Variants in ABCB5 observed in about 807,000 individuals in gnomAD.
ABCB5 encodes the protein ATP binding cassette subfamily B member 5.
ABCB5 carries 155 observed loss-of-function variants against 144.2 expected under a neutral mutation model. That is an observed-to-expected ratio of 1.08 (90% CI 0.94 to 1.23). ABCB5 has a LOEUF of 1.23. ABCB5 is among the 50% of genes most tolerant of loss of function. The pLI, the probability that ABCB5 is intolerant of heterozygous loss-of-function variation, is 0.00. For missense variants in ABCB5, 1,830 were observed against 1,520.8 expected, an observed-to-expected ratio of 1.20 and a Z score of -3.38; for synonymous variants, 610 against 528.6, an observed-to-expected ratio of 1.15 and a Z score of -2.11.
At chr7:20,674,076 A>T (rs184502176) in intron 14 of ABCB5, among the ~76,000 whole-genome samples, 203 of 152,086 alleles carry the variant, frequency 1.3e-3, no homozygotes, top group African/African-American at 4.6e-3. Context: ...CCTTTAAGCT[A>T]TTGCGATTAG....
At chr7:20,626,647 A>C (rs762691730) in intron 3 of ABCB5, 36 bp downstream of exon 3, 1 of 1,553,662 alleles carries the variant, frequency 6.4e-7, no homozygotes, top group Admixed American at 1.9e-5. Flanking sequence ...ATGCATTAGA[A>C]GATTTTAGAG....
chr7:20,627,674 A>T (rs1463001668), intron 3 of ABCB5, among the ~76,000 whole-genome samples: 2 of 119,662 alleles, frequency 1.7e-5, no homozygotes, highest in Non-Finnish European at 3.3e-5. Context: ...ATTATCATTG[A>T]CCCCCTTAAA....
At chr7:20,640,037 G>C (rs4721926) in intron 5 of ABCB5, among the ~76,000 whole-genome samples, 116,662 of 151,974 alleles carry the variant, frequency 0.77, 45,164 homozygotes, top group East Asian at 0.87. Context: ...CTAATAATGT[G>C]TTGTGGTTTT....
At chr7:20,659,438 G>A (rs2128030162) in intron 14 of ABCB5, 2 of 1,122,516 alleles carry the variant, frequency 1.8e-6, no homozygotes, top group South Asian at 3.9e-5. Context: ...TTTTTAAAAT[G>A]CTGACTTTAT....
intron 24 of ABCB5, 22 bp from the exon 25 acceptor site, chr7:20,742,855 C>G: frequency 1.2e-6 from 2 of 1,612,296 alleles, no homozygotes; most frequent in Non-Finnish European, 1.7e-6. Context: ...TTCTTCTCAA[C>G]TCTGTCAACT....
At chr7:20,739,517 C>T (rs909213609) in intron 24 of ABCB5, among the ~76,000 whole-genome samples, 7 of 151,562 alleles carry the variant, frequency 4.6e-5, no homozygotes, top group East Asian at 1.9e-4. Context: ...TGGCTGCAAA[C>T]GGGGAAAAGG....
chr7:20,630,640 G>A (rs1003743769), intron 4 of ABCB5, among the ~76,000 whole-genome samples: 2 of 152,138 alleles, frequency 1.3e-5, no homozygotes, highest in African/African-American at 4.8e-5. Context: ...AACAAATGGA[G>A]CCAATTCACT....
intron 14 of ABCB5, among the ~76,000 whole-genome samples, chr7:20,664,650 A>C (rs1371908385): frequency 6.6e-6 from 1 of 152,242 alleles, no homozygotes; most frequent in Non-Finnish European, 1.5e-5. Context: ...TAGGTAAGCT[A>C]TTATGCCCTT....
chr7:20,736,311 G>A (rs1197487040), intron 23 of ABCB5, among the ~76,000 whole-genome samples: 3 of 152,062 alleles, frequency 2.0e-5, no homozygotes, highest in East Asian at 3.9e-4. Flanking sequence ...TCCACCTCCC[G>A]GGTTCAAGCA....
At chr7:20,661,773 T>C (rs560909070) in intron 14 of ABCB5, among the ~76,000 whole-genome samples, 1 of 152,226 alleles carries the variant, frequency 6.6e-6, no homozygotes, top group East Asian at 1.9e-4. Context: ...GACCTTGTGA[T>C]CTGCCTGCCC....
chr7:20,749,395 ATTTTTTTT>A (rs34687757), intron 26 of ABCB5, among the ~76,000 whole-genome samples: 2 of 81,942 alleles, frequency 2.4e-5, no homozygotes, highest in Non-Finnish European at 4.5e-5. Context: ...TGCCTGCCTA[ATTTTTTTT>A]TTTTTTTTTT....
At position 20,648,025 on chromosome 7, in the gene ABCB5, A is replaced by G; in HGVS notation, c.1153A>G (p.Thr385Ala). The change falls in exon 11 of 28, where the codon ACT becomes GCT. Residue 385 changes from threonine (T) to alanine (A), a missense_variant. By Grantham distance (58) the Thr-to-Ala change is moderately conservative. Coordinates refer to ENST00000404938, the MANE Select transcript of ABCB5 (RefSeq NM_001163941.2). ...ATATAAACCTGAATCCATAGAAGGA[A>G]CTGTGGAATTTAAAAATGTTTCTTT... ...AGYKPESIEG[T>A]VEFKNVSFNY... 1 of 1,612,250 alleles carries G rather than the reference A, an allele frequency of 6.2e-7. No individual in the cohort carries two copies.
intron 4 of ABCB5, among the ~76,000 whole-genome samples, chr7:20,629,722 A>G (rs1461545899): frequency 6.6e-6 from 1 of 152,160 alleles, no homozygotes; most frequent in East Asian, 1.9e-4. Flanking sequence ...AGATTGCACC[A>G]TTGCACTCCA....
chr7:20,738,216 C>G (rs1158463876), intron 23 of ABCB5, among the ~76,000 whole-genome samples: 4 of 152,170 alleles, frequency 2.6e-5, no homozygotes, highest in Non-Finnish European at 5.9e-5. Flanking sequence ...TACTAAGATG[C>G]ATTGTTTTGC....
chr7:20,667,359 G>C, intron 14 of ABCB5: 1 of 985,152 alleles, frequency 1.0e-6, no homozygotes, highest in Non-Finnish European at 1.2e-6. Flanking sequence ...AGAAAAGAAG[G>C]TCTCTAACAA....
intron 5 of ABCB5, among the ~76,000 whole-genome samples, chr7:20,632,740 T>C (rs1784064543): frequency 6.6e-6 from 1 of 152,000 alleles, no homozygotes; most frequent in Non-Finnish European, 1.5e-5. Flanking sequence ...AAATCATCAT[T>C]CTCAGTAAAC....
intron 26 of ABCB5, among the ~76,000 whole-genome samples, chr7:20,746,165 T>C (rs1476179752): frequency 6.6e-6 from 1 of 151,988 alleles, no homozygotes; most frequent in Non-Finnish European, 1.5e-5. Context: ...CATGGTGCAA[T>C]CTCAGCTCAC....
intron 26 of ABCB5, among the ~76,000 whole-genome samples, chr7:20,748,058 G>T (rs185781663): frequency 3.9e-5 from 6 of 152,266 alleles, no homozygotes; most frequent in Admixed American, 3.9e-4. Context: ...AGATAAAGAA[G>T]TTCAATAACT....
At chr7:20,685,015 C>G (rs1266367563) in intron 15 of ABCB5, among the ~76,000 whole-genome samples, 1 of 152,164 alleles carries the variant, frequency 6.6e-6, no homozygotes, top group African/African-American at 2.4e-5. Flanking sequence ...CTTTATTTCA[C>G]TAAAGTGGTC....
Sources: gnomAD v4.1 joint callset for allele counts (sites outside exome capture counted in the v4.1 genomes callset) on GRCh38, gnomAD v4.1.1 for gene constraint, MANE v1.5 for transcripts, NCBI Gene and HGNC (gene_info 2026-07-23, HGNC 2026-07-21) for gene names.